Variants in PTPRO observed in about 807,000 individuals in gnomAD.
PTPRO encodes protein tyrosine phosphatase receptor type O, also known as receptor-type tyrosine-protein phosphatase O.
In PTPRO, 62 loss-of-function variants were observed where a neutral mutation model predicts 145.2. The ratio of observed to expected loss-of-function variants is 0.43; its 90% CI spans 0.35 to 0.53. The LOEUF is 0.53. PTPRO is among the 20% of genes least tolerant of loss of function. The pLI, the probability that PTPRO is intolerant of heterozygous loss-of-function variation, is 0.01. For missense variants in PTPRO, 1,345 were observed against 1,482.7 expected (o/e 0.91, Z 1.53); for synonymous variants, 565 against 514.7 (o/e 1.10, Z -1.32).
intron 1 of PTPRO, among the ~76,000 whole-genome samples, chr12:15,478,703 T>G (rs1193383923): frequency 6.6e-6 from 1 of 151,892 alleles, no homozygotes; most frequent in Non-Finnish European, 1.5e-5. Flanking sequence ...ACAGAGTCTC[T>G]CTCTGTCGCC....
intron 1 of PTPRO, among the ~76,000 whole-genome samples, chr12:15,432,427 A>G (rs1940468262): frequency 6.6e-6 from 1 of 152,120 alleles, no homozygotes; most frequent in Non-Finnish European, 1.5e-5. Flanking sequence ...GGTTGATTGT[A>G]TGTCTTTGCT....
intron 1 of PTPRO, among the ~76,000 whole-genome samples, chr12:15,432,934 C>T (rs1940484594): frequency 6.6e-6 from 1 of 152,116 alleles, no homozygotes; most frequent in Admixed American, 6.5e-5. Context: ...AAATTTTCCT[C>T]CCATTCTGTA....
At chr12:15,466,808 G>A (rs1428251307) in intron 1 of PTPRO, among the ~76,000 whole-genome samples, 1 of 151,934 alleles carries the variant, frequency 6.6e-6, no homozygotes, top group Non-Finnish European at 1.5e-5. Flanking sequence ...CAACTGCCCT[G>A]TAACTCCTCA....
At position 15,596,258 on chromosome 12, in the gene PTPRO, T is replaced by G. The variant is rs1944657362; in HGVS notation, c.*185T>G. On this transcript the variant is annotated 3_prime_UTR_variant, in exon 27 of 27. Transcript: ENST00000281171. ...GCCTTAAAGAGCCTACAGTGTCCTT[T>G]TGGACTCTTTCACTTCGGGACATTT... is the stretch of plus-strand genomic sequence containing the variant. 1 of 152,606 alleles carries G rather than the reference T, an allele frequency of 6.6e-6. No individual in the cohort carries two copies. Among genetic ancestry groups the G allele is most frequent in the Non-Finnish European group, 1.5e-5 (1 of 68,040 alleles). 9.5% of individuals were successfully genotyped at this position (152,606 alleles called of 1,614,324 possible). A position where few individuals can be genotyped will look rare whatever the true frequency, so the allele number is the denominator to read the frequency against.
chr12:15,368,296 T>C (rs1412776880), intron 1 of PTPRO, among the ~76,000 whole-genome samples: 5 of 152,168 alleles, frequency 3.3e-5, no homozygotes, highest in Admixed American at 6.5e-5. Context: ...CCTTACCATA[T>C]ATGGCAATTG....
intron 25 of PTPRO, among the ~76,000 whole-genome samples, chr12:15,590,470 A>G (rs1327448704): frequency 2.0e-5 from 3 of 152,102 alleles, no homozygotes; most frequent in Non-Finnish European, 4.4e-5. Flanking sequence ...CCCGACCTGT[A>G]ATCAGGGTAT....
chr12:15,473,971 T>A (rs1482650536), intron 1 of PTPRO, among the ~76,000 whole-genome samples: 1 of 152,138 alleles, frequency 6.6e-6, no homozygotes, highest in Non-Finnish European at 1.5e-5. Flanking sequence ...ATGCTTGGAC[T>A]TCCCCTAGTT....
At chr12:15,391,573 T>G (rs374898222) in intron 1 of PTPRO, among the ~76,000 whole-genome samples, 2 of 152,316 alleles carry the variant, frequency 1.3e-5, no homozygotes, top group South Asian at 4.1e-4. Context: ...CACTCCTTCA[T>G]GTCCCCATTG....
chr12:15,357,300 A>G (rs1191579527), intron 1 of PTPRO, among the ~76,000 whole-genome samples: 1 of 152,166 alleles, frequency 6.6e-6, no homozygotes, highest in African/African-American at 2.4e-5. Context: ...TGCTCAAGGG[A>G]CTTCTTCCAC....
chr12:15,510,879 C>CTGTATATATG (rs1942424110), intron 7 of PTPRO, among the ~76,000 whole-genome samples: 3 of 151,478 alleles, frequency 2.0e-5, no homozygotes, highest in Admixed American at 6.6e-5. Context: ...TTTAAGAGTC[C>CTGTATATATG]ATCATATACA....
At chr12:15,535,819 G>A (rs1943055477) in intron 12 of PTPRO, among the ~76,000 whole-genome samples, 1 of 152,146 alleles carries the variant, frequency 6.6e-6, no homozygotes, top group Non-Finnish European at 1.5e-5. Context: ...AGGGACATTG[G>A]CTTGATTTTC....
At chr12:15,508,528 T>C in intron 6 of PTPRO, 43 bp from the exon 7 acceptor site, 7 of 1,556,362 alleles carry the variant, frequency 4.5e-6, no homozygotes, top group Non-Finnish European at 6.2e-6. Flanking sequence ...TCTCAATCAG[T>C]GTAACGTGCA....
At chr12:15,516,457 GAGAA>G (rs1209514739) in intron 8 of PTPRO, among the ~76,000 whole-genome samples, 1 of 119,796 alleles carries the variant, frequency 8.3e-6, no homozygotes, top group African/African-American at 2.9e-5. Context: ...AGAAGAGAGT[GAGAA>G]AGAGAGAGAA....
chr12:15,480,746 G>GATGC (rs548541064), intron 1 of PTPRO, among the ~76,000 whole-genome samples: 97 of 151,838 alleles, frequency 6.4e-4, no homozygotes, highest in African/African-American at 2.3e-3. Flanking sequence ...TGGATGGATG[G>GATGC]ATGGATGGAT....
intron 2 of PTPRO, among the ~76,000 whole-genome samples, chr12:15,493,327 T>C (rs1942037007): frequency 6.6e-6 from 1 of 152,044 alleles, no homozygotes; most frequent in African/African-American, 2.4e-5. Context: ...TTAACACCTA[T>C]AGCTCTGAGT....
intron 1 of PTPRO, among the ~76,000 whole-genome samples, chr12:15,408,820 C>T (rs1316510819): frequency 2.0e-5 from 3 of 152,140 alleles, no homozygotes; most frequent in African/African-American, 7.2e-5. Flanking sequence ...TGATATATAA[C>T]ACCGTTAGCT....
intron 13 of PTPRO, among the ~76,000 whole-genome samples, chr12:15,548,815 A>G (rs1943372493): frequency 6.6e-6 from 1 of 152,208 alleles, no homozygotes. Flanking sequence ...AGGCTAAGCC[A>G]TCACTTATGT....
chr12:15,516,651 T>G lies in PTPRO; in HGVS notation c.1586-112T>G, dbSNP rs59349401. 0.2 allele frequency: 161,581 copies of G among 800,638 alleles called. 15,738 individuals are homozygous for G. The highest frequency in any genetic ancestry group is 0.27 in the African/African-American group (14,858 of 54,974). 49.6% of individuals were successfully genotyped at this position (800,638 alleles called of 1,614,324 possible). A position where few individuals can be genotyped will look rare whatever the true frequency, so the allele number is the denominator to read the frequency against. ...GAAGGAAGGAAGGGAGGGAGGGAGG[T>G]AGGTATTGTATCAGAGAGTGAAAAC... is the stretch of plus-strand genomic sequence containing the variant. On this transcript the variant is annotated intron_variant, in intron 8 of 26. Transcript: ENST00000281171.
At chr12:15,343,122 A>G (rs1867061190) in intron 1 of PTPRO, among the ~76,000 whole-genome samples, 2 of 152,208 alleles carry the variant, frequency 1.3e-5, no homozygotes, top group African/African-American at 4.8e-5. Flanking sequence ...GCAGGATAGC[A>G]TACAGGAAGA....
Sources: gnomAD v4.1 joint callset for allele counts (sites outside exome capture counted in the v4.1 genomes callset) on GRCh38, gnomAD v4.1.1 for gene constraint, MANE v1.5 for transcripts, NCBI Gene and HGNC (gene_info 2026-07-23, HGNC 2026-07-21) for gene names.